Variants in PCNX2 observed in about 807,000 individuals in gnomAD.
The protein encoded by PCNX2 is pecanex 2.
In PCNX2, 168 loss-of-function variants were observed where a neutral mutation model predicts 223.8. The observed-to-expected ratio is 0.75, with a 90% CI of 0.66 to 0.85. PCNX2 has a LOEUF of 0.85. Among genes scored for constraint, PCNX2 ranks in the 40% least tolerant of loss-of-function variants. PCNX2 has a pLI of 0.00. For missense variants in PCNX2, 2,507 were observed against 2,675.5 expected (o/e 0.94, Z 1.39); for synonymous variants, 1,006 against 1,052.6 (o/e 0.96, Z 0.86).
chr1:233,063,884 T>C (rs1338500427), intron 23 of PCNX2, among the ~76,000 whole-genome samples: 1 of 152,180 alleles, frequency 6.6e-6, no homozygotes, highest in Admixed American at 6.5e-5. Context: ...CTTTCTAGTT[T>C]AGCTGTGTTT....
At chr1:233,134,631 A>AAGGGAGGGAGACAGGGAGGG (rs1676703398) in intron 21 of PCNX2, among the ~76,000 whole-genome samples, 1 of 151,822 alleles carries the variant, frequency 6.6e-6, no homozygotes. Flanking sequence ...GGAAGGTAAG[A>AAGGGAGGGAGACAGGGAGGG]AGGGAGGGAG....
chr1:233,150,106 C>T (rs751247851), intron 19 of PCNX2, among the ~76,000 whole-genome samples: 14 of 152,120 alleles, frequency 9.2e-5, no homozygotes, highest in Non-Finnish European at 1.5e-4. Context: ...GGGCCAGGAC[C>T]GTCCTTCTCA....
chr1:233,295,953 T>TTCCTTA (rs1558437162), upstream of PCNX2, among the ~76,000 whole-genome samples: 1 of 130,232 alleles, frequency 7.7e-6, no homozygotes, highest in Non-Finnish European at 1.7e-5. The surrounding 1 kb of genome is among the most constrained non-coding windows in gnomAD (Gnocchi z 4.1). Flanking sequence ...TTCCTTCCTT[T>TTCCTTA]CTCTCTCTCT....
chr1:233,120,549 G>A (rs1675723188), intron 21 of PCNX2, among the ~76,000 whole-genome samples: 1 of 152,154 alleles, frequency 6.6e-6, no homozygotes, highest in Non-Finnish European at 1.5e-5. Flanking sequence ...AATTTAGCAT[G>A]GAACTACCTA....
chr1:233,057,168 T>C (rs1191778838), intron 24 of PCNX2, 64 bp downstream of exon 24: 11 of 1,335,936 alleles, frequency 8.2e-6, no homozygotes, highest in Non-Finnish European at 1.1e-5. Flanking sequence ...TATTTAATTC[T>C]TCCTTTTGAG....
chr1:233,223,593 C>T lies in PCNX2; in HGVS notation c.2504+3633G>A, dbSNP rs541861148. Among the ~76,000 whole-genome samples the T allele has an allele frequency of 9.4e-4, 143 of 152,174 alleles. 1 individual carries two copies. The highest frequency in any genetic ancestry group is 8.8e-3 in the Admixed American group (134 of 15,282). On this transcript the variant is annotated intron_variant, in intron 10 of 33. Coordinates refer to ENST00000258229, the MANE Select transcript of PCNX2 (RefSeq NM_014801.4). ...GCCCCGCGTGCATTAGCTATTTGTC[C>T]GAATGCTCTCCCTGCCCTTGTCCCC...
At chr1:233,206,474 C>T (rs16858853) in intron 13 of PCNX2, among the ~76,000 whole-genome samples, 19,658 of 151,570 alleles carry the variant, frequency 0.13, 1,418 homozygotes, top group East Asian at 0.22. Flanking sequence ...GGAATATGGG[C>T]GCACTAAGTT....
intron 5 of PCNX2, among the ~76,000 whole-genome samples, chr1:233,256,361 T>C (rs1489067881): frequency 6.6e-6 from 1 of 152,150 alleles, no homozygotes; most frequent in East Asian, 1.9e-4. Flanking sequence ...TAGAAGAAAC[T>C]CCAACACAGA....
chr1:232,988,179 GT>G (rs1669561605), intron 32 of PCNX2, among the ~76,000 whole-genome samples: 1 of 152,226 alleles, frequency 6.6e-6, no homozygotes. Flanking sequence ...CCGGACGTGT[GT>G]TTGTGATTTC....
At chr1:233,162,652 C>T (rs1678565183) in intron 17 of PCNX2, among the ~76,000 whole-genome samples, 1 of 152,166 alleles carries the variant, frequency 6.6e-6, no homozygotes, top group South Asian at 2.1e-4. Flanking sequence ...TATATTGCTT[C>T]CTATCATTCC....
intron 17 of PCNX2, among the ~76,000 whole-genome samples, chr1:233,169,836 C>T (rs1025101479): frequency 2.0e-5 from 3 of 151,600 alleles, no homozygotes; most frequent in African/African-American, 7.3e-5. Context: ...TGGAGGTTCC[C>T]ATCAACAATC....
chr1:233,289,203 T>G (rs185510139), intron 1 of PCNX2: 1 of 849,584 alleles, frequency 1.2e-6, no homozygotes, highest in African/African-American at 1.7e-5. Flanking sequence ...TTTCTCCAAT[T>G]CACATACTAG....
chr1:233,209,758 T>A (rs558968650), intron 12 of PCNX2, among the ~76,000 whole-genome samples: 1 of 152,368 alleles, frequency 6.6e-6, no homozygotes, highest in South Asian at 2.1e-4. Flanking sequence ...TGTACTCTTA[T>A]GAAATTTCCT....
At position 233,161,272 on chromosome 1, in the gene PCNX2, C is replaced by T. The variant is rs200009477; in HGVS notation, c.3365G>A (p.Arg1122Gln). The change falls in exon 18 of 34, where the codon CGA becomes CAA. Residue 1122 changes from arginine to glutamine, a missense_variant and splice_region_variant. Around this residue, in one of 3 missense-constraint regions of PCNX2, gnomAD observed 1,372 missense variants for 1,509.4 expected, o/e 0.91. Coordinates refer to ENST00000258229, the MANE Select transcript of PCNX2 (RefSeq NM_014801.4). ...AGTACAAAGTTGGTGGATACATACTCGCAATGACAGGAATACAGTGCTGGC... is the reference window on the plus strand; with the variant it reads ...AGTACAAAGTTGGTGGATACATACTTGCAATGACAGGAATACAGTGCTGGC... ...VSASTVFLSL[R>Q]PFLSIVLFAL... 40 of 1,612,672 alleles carry T rather than the reference C, an allele frequency of 2.5e-5. No homozygotes were observed. The African/African-American group carries it at 3.2e-4, about 13-fold the overall frequency.
In PCNX2 at chr1:233,017,314, C is replaced by CTT. The variant is rs57419971; in HGVS notation, c.4606-162_4606-161dup. Among the ~76,000 whole-genome samples the CTT allele has an allele frequency of 4.2e-3, 347 of 81,964 alleles. 9 individuals carry two copies. Among genetic ancestry groups the CTT allele is most frequent in the African/African-American group, 0.012 (253 of 20,534 alleles). The allele number at this position is 81,964 out of a possible 152,430, so 53.8% of individuals were successfully genotyped here. On this transcript the variant is annotated intron_variant, in intron 26 of 33. Transcript: ENST00000258229. The stretch of plus-strand genomic sequence containing the variant: ...CTCATTTGAGACATTCTAAAATGTC[C>CTT]TTTTTTTTTTTTTTTTTTTTTGAGA...
chr1:233,311,261 G>C, the PCNX2 span, among the ~76,000 whole-genome samples: 8 of 152,126 alleles, frequency 5.3e-5, no homozygotes, highest in Non-Finnish European at 1.5e-5. Context: ...AAACCTAAAA[G>C]AGCCAACATT....
intron 19 of PCNX2, among the ~76,000 whole-genome samples, chr1:233,156,543 TG>T (rs1328654261): frequency 6.6e-6 from 1 of 152,068 alleles, no homozygotes; most frequent in Non-Finnish European, 1.5e-5. Context: ...CAAGTGGTTA[TG>T]GAAGGGAGGC....
intron 12 of PCNX2, 71 bp downstream of exon 12, chr1:233,217,828 G>T (rs967171306): frequency 1.0e-5 from 16 of 1,579,436 alleles, no homozygotes; most frequent in Non-Finnish European, 1.4e-5. Context: ...CCTTTGACTA[G>T]ATTTTGGCTT....
intron 1 of PCNX2, among the ~76,000 whole-genome samples, chr1:233,269,444 G>A (rs893187283): frequency 2.6e-5 from 4 of 152,054 alleles, no homozygotes; most frequent in Non-Finnish European, 4.4e-5. Flanking sequence ...AAAAGAAAAC[G>A]CACCCATAAA....
Sources: gnomAD v4.1 joint callset for allele counts (sites outside exome capture counted in the v4.1 genomes callset) on GRCh38, gnomAD v4.1.1 for gene constraint, gnomAD v4.1.1 regional missense constraint, Gnocchi (gnomAD v3.1) non-coding constraint, MANE v1.5 for transcripts, NCBI Gene and HGNC (gene_info 2026-07-23, HGNC 2026-07-21) for gene names.